The following CSMD1 variants were observed in gnomAD, a reference collection of about 807,000 sequenced individuals.
The protein encoded by CSMD1 is CUB and sushi domain-containing protein 1.
A neutral mutation model predicts 417.5 loss-of-function variants in CSMD1; 213 were observed. The ratio of observed to expected loss-of-function variants is 0.51; its 90% confidence interval spans 0.46 to 0.57. The LOEUF (loss-of-function observed/expected upper bound fraction) is 0.57, where lower values mean the gene tolerates loss of function less well. CSMD1 is among the 20% of genes least tolerant of loss of function. The pLI, the probability that CSMD1 is intolerant of heterozygous loss-of-function variation, is 0.00. For synonymous variants in CSMD1, 2,862 were observed against 1,736.8 expected (o/e 1.65, Z -16.11); for missense variants, 6,923 against 4,529.7 (o/e 1.53, Z -15.17).
chr8:3,699,707 A>G lies in CSMD1; in HGVS notation c.1009+8707T>C, dbSNP rs74704883. 5.9e-3 allele frequency among the ~76,000 whole-genome samples: 894 copies of G among 152,300 alleles called. 11 individuals carry two copies. Among genetic ancestry groups the G allele is most frequent in the African/African-American group, 0.017 (715 of 41,558 alleles). On this transcript the variant is annotated intron_variant, in intron 7 of 69. Transcript: ENST00000635120. ...ACTATAAGACTATAATTTCCCCTGGAGAAGGAACAGATGCTGATCATCTTT... is the reference window on the plus strand; with the variant it reads ...ACTATAAGACTATAATTTCCCCTGGGGAAGGAACAGATGCTGATCATCTTT...
intron 3 of CSMD1, among the ~76,000 whole-genome samples, chr8:4,063,271 T>C (rs1040904270): frequency 2.4e-5 from 3 of 125,160 alleles, no homozygotes; most frequent in South Asian, 2.5e-4. Context: ...AGTTATTACA[T>C]AGAACAAAAA....
At chr8:3,191,143 C>G (rs769529806) in intron 33 of CSMD1, among the ~76,000 whole-genome samples, 4 of 152,186 alleles carry the variant, frequency 2.6e-5, no homozygotes, top group Non-Finnish European at 5.9e-5. Flanking sequence ...CTAAAGTCAC[C>G]TAGGATGAGC....
intron 26 of CSMD1, among the ~76,000 whole-genome samples, chr8:3,270,928 TTTATTTA>T (rs367584902): frequency 0.27 from 40,841 of 151,744 alleles, 5,790 homozygotes; most frequent in African/African-American, 0.34. Flanking sequence ...TTTTTAATTT[TTTATTTA>T]TTATTATTAT....
At position 3,679,229 on chromosome 8, in the gene CSMD1, C is replaced by T. The variant is rs553873389; in HGVS notation, c.1009+29185G>A. Among the ~76,000 whole-genome samples the T allele has an allele frequency of 8.7e-4, 132 of 152,236 alleles. 1 individual carries two copies. Among genetic ancestry groups the T allele is most frequent in the Admixed American group, 2.7e-3 (42 of 15,278 alleles). On this transcript the variant is annotated intron_variant, in intron 7 of 69. Transcript: ENST00000635120. ...TGGGCTAAATGCTCCAATTACAAGA[C>T]GCAGACTGGCAAATTGGATAAAGAG... is the stretch of plus-strand genomic sequence containing the variant.
In CSMD1 at chr8:2,988,999, C is replaced by T. The variant is rs1358232663; in HGVS notation, c.8377+9012G>A. ...TTAACTAAGTGCTGCACCAGGGTCA[C>T]ACTCAATGAGTCCTCCAGATTACAC... On this transcript the variant is annotated intron_variant, in intron 54 of 69. Transcript: ENST00000635120. 2.0e-5 allele frequency among the ~76,000 whole-genome samples: 3 copies of T among 152,168 alleles called. 1 individual carries two copies. The highest frequency in any genetic ancestry group is 4.4e-5 in the Non-Finnish European group (3 of 68,032).
At chr8:3,520,424 G>C (rs1318098755) in intron 10 of CSMD1, among the ~76,000 whole-genome samples, 1 of 152,032 alleles carries the variant, frequency 6.6e-6, no homozygotes, top group African/African-American at 2.4e-5. Context: ...AGCTAAAAAA[G>C]CATATCTTAA....
Position 3,928,980 on chromosome 8 carries a change from T to C in CSMD1, c.818+68923A>G, listed in dbSNP as rs760263480. ...TGGTTTTGTGTGCTAAAACAATTGG[T>C]TGTCATTGTATAAGAAATCTTACCG... On this transcript the variant is annotated intron_variant, in intron 5 of 69. Coordinates refer to ENST00000635120, the MANE Select transcript of CSMD1 (RefSeq NM_033225.6). Among the ~76,000 whole-genome samples, 26 of 150,570 alleles carry C rather than the reference T, an allele frequency of 1.7e-4. 1 individual carries two copies. Among genetic ancestry groups the C allele is most frequent in the African/African-American group, 4.9e-4 (20 of 40,792 alleles).
At chr8:4,470,371 C>G (rs1287929910) in intron 2 of CSMD1, among the ~76,000 whole-genome samples, 1 of 152,206 alleles carries the variant, frequency 6.6e-6, no homozygotes, top group Non-Finnish European at 1.5e-5. Flanking sequence ...TGCTTCCTCT[C>G]TCTTCCCTCT....
chr8:2,980,596 C>G (rs549392864), intron 54 of CSMD1, among the ~76,000 whole-genome samples: 1 of 150,718 alleles, frequency 6.6e-6, no homozygotes. Flanking sequence ...TCCAGTCACA[C>G]CCTTCTCCTT....
chr8:3,593,388 C>T (rs1800947508), intron 8 of CSMD1, among the ~76,000 whole-genome samples: 1 of 152,196 alleles, frequency 6.6e-6, no homozygotes, highest in South Asian at 2.1e-4. Context: ...GAAGGTCAAG[C>T]CCATGAGCCT....
chr8:3,507,605 G>C (rs557535868), intron 10 of CSMD1, among the ~76,000 whole-genome samples: 3 of 152,266 alleles, frequency 2.0e-5, no homozygotes, highest in South Asian at 2.1e-4. Context: ...GGTTGAACTA[G>C]TTTACATTCC....
At chr8:4,739,641 A>C (rs1810470315) in intron 1 of CSMD1, among the ~76,000 whole-genome samples, 1 of 152,138 alleles carries the variant, frequency 6.6e-6, no homozygotes. Flanking sequence ...GCATTAACAC[A>C]GGAAGCCACA....
intron 1 of CSMD1, among the ~76,000 whole-genome samples, chr8:4,653,421 A>G (rs902031024): frequency 1.3e-5 from 2 of 152,136 alleles, no homozygotes; most frequent in East Asian, 3.9e-4. Context: ...TGTTTAATTC[A>G]CAAGAGTACC....
chr8:3,628,613 A>G (rs1796609430), intron 7 of CSMD1, among the ~76,000 whole-genome samples: 1 of 152,058 alleles, frequency 6.6e-6, no homozygotes. Flanking sequence ...AGGAAGAGGG[A>G]GTGTCTCAGA....
At chr8:3,123,117 T>C (rs531794065) in intron 41 of CSMD1, among the ~76,000 whole-genome samples, 1 of 152,288 alleles carries the variant, frequency 6.6e-6, no homozygotes, top group South Asian at 2.1e-4. Flanking sequence ...TGCTTAGAAA[T>C]CTAAGCTGAT....
chr8:4,298,699 C>G (rs796084520), intron 3 of CSMD1, among the ~76,000 whole-genome samples: 90 of 152,164 alleles, frequency 5.9e-4, no homozygotes, highest in Admixed American at 1.4e-3. Flanking sequence ...TCAGGCTACT[C>G]TGATACTAAA....
chr8:3,579,940 C>G lies in CSMD1; in HGVS notation c.1223-4874G>C, dbSNP rs920407828. Reference sequence around the variant, plus strand: ...CCAACATGGTGAAACCCTGTCTCTACGAAACATACAAAAATTAGCTGGGTG... The same window carrying G: ...CCAACATGGTGAAACCCTGTCTCTAGGAAACATACAAAAATTAGCTGGGTG... On this transcript the variant is annotated intron_variant, in intron 9 of 69. Transcript: ENST00000635120. 3.3e-5 allele frequency among the ~76,000 whole-genome samples: 5 copies of G among 151,980 alleles called. No homozygotes were observed. In the East Asian group the frequency reaches 5.8e-4, roughly 18 times the overall value.
intron 2 of CSMD1, among the ~76,000 whole-genome samples, chr8:4,430,679 G>C (rs1039009071): frequency 6.6e-6 from 1 of 151,958 alleles, no homozygotes; most frequent in African/African-American, 2.4e-5. Context: ...TAATTACAGT[G>C]TCTGTAATAG....
At chr8:4,107,285 G>C (rs918040390) in intron 3 of CSMD1, among the ~76,000 whole-genome samples, 1 of 152,118 alleles carries the variant, frequency 6.6e-6, no homozygotes, top group African/African-American at 2.4e-5. Context: ...ATTTCAACAC[G>C]CTGCACTGCC....
Sources: allele counts gnomAD v4.1 joint callset (sites outside exome capture counted in the v4.1 genomes callset), GRCh38; gene constraint gnomAD v4.1.1; transcripts MANE v1.5; gene names NCBI Gene and HGNC (gene_info 2026-07-23, HGNC 2026-07-21).